ADAM23: variants seen among roughly 807,000 people sequenced by gnomAD.
The protein encoded by ADAM23 is ADAM metallopeptidase domain 23, also known as disintegrin and metalloproteinase domain-containing protein 23.
In ADAM23, 33 loss-of-function variants were observed where a neutral mutation model predicts 120.1. That is an observed-to-expected ratio of 0.27 (90% CI 0.21 to 0.37). ADAM23 has a LOEUF of 0.37. Among genes scored for constraint, ADAM23 ranks in the 10% least tolerant of loss-of-function variants. ADAM23 has a pLI of 1.00. For missense variants in ADAM23, 862 were observed against 1,058.2 expected (o/e 0.81, Z 2.57); for synonymous variants, 367 against 375.2 (o/e 0.98, Z 0.25).
chr2:206,538,616 T>C (rs895301572), intron 4 of ADAM23, among the ~76,000 whole-genome samples: 1 of 152,204 alleles, frequency 6.6e-6, no homozygotes, highest in African/African-American at 2.4e-5. Flanking sequence ...GGGAGTTTCA[T>C]AAGCAGTAAA....
intron 3 of ADAM23, among the ~76,000 whole-genome samples, chr2:206,530,565 G>A (rs1246181518): frequency 2.0e-5 from 3 of 147,294 alleles, no homozygotes; most frequent in Non-Finnish European, 4.5e-5. Flanking sequence ...GCAGTGAGCC[G>A]AGATCGCACT....
intron 24 of ADAM23, chr2:206,605,904 A>C: frequency 3.1e-6 from 2 of 650,854 alleles, no homozygotes; most frequent in Non-Finnish European, 5.5e-6. Context: ...CCAGTTTCAG[A>C]GTGTTTCTGT....
At chr2:206,539,281 C>T (rs561192722) in intron 4 of ADAM23, among the ~76,000 whole-genome samples, 1 of 152,268 alleles carries the variant, frequency 6.6e-6, no homozygotes, top group Admixed American at 6.5e-5. Context: ...AATTAACTGA[C>T]AGTTTTGGAT....
intron 3 of ADAM23, among the ~76,000 whole-genome samples, chr2:206,529,260 T>G (rs903961977): frequency 6.6e-6 from 1 of 152,196 alleles, no homozygotes; most frequent in Non-Finnish European, 1.5e-5. Flanking sequence ...ATCCTCACAA[T>G]GTTCTATGAG....
At chr2:206,573,873 A>C (rs563087140) in intron 18 of ADAM23, among the ~76,000 whole-genome samples, 1 of 151,924 alleles carries the variant, frequency 6.6e-6, no homozygotes, top group East Asian at 1.9e-4. Context: ...TGGGTCCTCT[A>C]CGGATAAGGG....
At position 206,456,729 on chromosome 2, in the gene ADAM23, C is replaced by T. The variant is rs372773874; in HGVS notation, c.432+11205C>T. Among the ~76,000 whole-genome samples, 296 of 152,182 alleles carry T rather than the reference C, an allele frequency of 1.9e-3. 2 individuals are homozygous for T. The highest frequency in any genetic ancestry group is 0.017 in the Middle Eastern group (5 of 294). On this transcript the variant is annotated intron_variant, in intron 2 of 25. Coordinates refer to ENST00000264377, the MANE Select transcript of ADAM23 (RefSeq NM_003812.4). Reference sequence around the variant, plus strand: ...GATGGTAGTGAGAACAAGGTAGTCACGTATTCCTGGACCACTTCTTTTTGC... The same window carrying T: ...GATGGTAGTGAGAACAAGGTAGTCATGTATTCCTGGACCACTTCTTTTTGC...
At chr2:206,589,832 T>C (rs1309838641) in intron 21 of ADAM23, among the ~76,000 whole-genome samples, 1 of 152,192 alleles carries the variant, frequency 6.6e-6, no homozygotes, top group African/African-American at 2.4e-5. Flanking sequence ...TTTTCTACTT[T>C]TACTAGAATA....
intron 4 of ADAM23, among the ~76,000 whole-genome samples, chr2:206,538,711 G>A (rs949238831): frequency 1.3e-5 from 2 of 152,066 alleles, no homozygotes; most frequent in Non-Finnish European, 2.9e-5. Context: ...TAAAACTATT[G>A]GTTCTATTTC....
At chr2:206,517,134 A>C (rs575080640) in intron 3 of ADAM23, among the ~76,000 whole-genome samples, 1 of 152,340 alleles carries the variant, frequency 6.6e-6, no homozygotes, top group African/African-American at 2.4e-5. Context: ...AATATACTAA[A>C]GAGGACTGTT....
intron 3 of ADAM23, among the ~76,000 whole-genome samples, chr2:206,529,847 T>C (rs976248150): frequency 5.3e-5 from 8 of 152,092 alleles, no homozygotes; most frequent in African/African-American, 1.9e-4. Flanking sequence ...AGTCTCACTC[T>C]GTCTCTCAGG....
At chr2:206,504,562 G>A (rs1696456998) in intron 3 of ADAM23, among the ~76,000 whole-genome samples, 1 of 152,114 alleles carries the variant, frequency 6.6e-6, no homozygotes, top group South Asian at 2.1e-4. Flanking sequence ...CATGTTCCAG[G>A]TACTTAAGAG....
rs1394840303 is a variant in ADAM23, at chr2:206,617,875, C to CT, written c.*249dup. On this transcript the variant is annotated 3_prime_UTR_variant, in exon 26 of 26. Coordinates refer to ENST00000264377, the MANE Select transcript of ADAM23 (RefSeq NM_003812.4). ...GCAAAAGACCATGCTATAAAAAGAA[C>CT]TGTTCCAGAATCTTTTTTTTCCCTA... 12 of 648,056 alleles carry CT rather than the reference C, an allele frequency of 1.9e-5. No homozygotes were observed. The African/African-American group carries it at 2.2e-4, about 12-fold the overall frequency. 40.1% of individuals were successfully genotyped at this position (648,056 alleles called of 1,614,324 possible).
intron 2 of ADAM23, among the ~76,000 whole-genome samples, chr2:206,458,954 G>C (rs1695357309): frequency 2.0e-5 from 3 of 152,184 alleles, no homozygotes; most frequent in African/African-American, 7.2e-5. Context: ...CATAAATTCT[G>C]TTTTTATTTG....
chr2:206,606,161 A>G (rs1223687833), intron 24 of ADAM23, among the ~76,000 whole-genome samples: 1 of 152,260 alleles, frequency 6.6e-6, no homozygotes, highest in Non-Finnish European at 1.5e-5. Context: ...TCCACTTTGT[A>G]GAAGTAATTT....
chr2:206,499,472 A>G (rs1696334693), intron 3 of ADAM23, among the ~76,000 whole-genome samples: 2 of 133,584 alleles, frequency 1.5e-5, no homozygotes. Context: ...GAAGAGGAAC[A>G]TCACACACCA....
In ADAM23 at chr2:206,618,632, G is replaced by A. The variant is rs912205231; in HGVS notation, c.*1005G>A. 1.3e-5 allele frequency: 2 copies of A among 152,092 alleles called. No individual in the cohort carries two copies. The highest frequency in any genetic ancestry group is 4.8e-5 in the African/African-American group (2 of 41,404). 9.4% of individuals were successfully genotyped at this position (152,092 alleles called of 1,614,324 possible). ...ACTCTTGGGCTTGCTTAAAAAGACA[G>A]ATATAGCCACAGATGCAGGGAGTTT... On this transcript the variant is annotated 3_prime_UTR_variant, in exon 26 of 26. Transcript: ENST00000264377.
chr2:206,450,109 A>G (rs1695161943), intron 2 of ADAM23, among the ~76,000 whole-genome samples: 2 of 152,180 alleles, frequency 1.3e-5, no homozygotes. Context: ...AGAAAGAGGA[A>G]CATAGGATGA....
chr2:206,499,637 A>C (rs1489302504), intron 3 of ADAM23, among the ~76,000 whole-genome samples: 1 of 151,748 alleles, frequency 6.6e-6, no homozygotes, highest in Non-Finnish European at 1.5e-5. Flanking sequence ...CTTAAAGTAT[A>C]ATAATAATAA....
Position 206,513,041 on chromosome 2 carries a change from C to T in ADAM23, c.510-17844C>T, listed in dbSNP as rs182222219. Among the ~76,000 whole-genome samples, 171 of 152,248 alleles carry T rather than the reference C, an allele frequency of 1.1e-3. 2 individuals carry two copies. The highest frequency in any genetic ancestry group is 3.9e-3 in the African/African-American group (164 of 41,534). ...ATGTCCTGGCTTCTCCACTGACTGGCCATTCCCCTTCTCTCTCCCTCTCTG... is the reference window on the plus strand; with the variant it reads ...ATGTCCTGGCTTCTCCACTGACTGGTCATTCCCCTTCTCTCTCCCTCTCTG... On this transcript the variant is annotated intron_variant, in intron 3 of 25. Transcript: ENST00000264377.
Sources: gnomAD v4.1 joint callset for allele counts (sites outside exome capture counted in the v4.1 genomes callset) on GRCh38, gnomAD v4.1.1 for gene constraint, MANE v1.5 for transcripts, NCBI Gene and HGNC (gene_info 2026-07-23, HGNC 2026-07-21) for gene names.